Variants in BMPR1B observed in about 807,000 individuals in gnomAD.
BMPR1B encodes the protein bone morphogenetic protein receptor type-1B.
Under a neutral mutation model 59.1 loss-of-function variants are expected in BMPR1B, and 12 were observed. The observed-to-expected ratio is 0.20, with a 90% CI of 0.13 to 0.33. The LOEUF (loss-of-function observed/expected upper bound fraction) is 0.33. Ranked by LOEUF, BMPR1B falls within the 10% of genes least tolerant of loss-of-function variation. The probability of loss-of-function intolerance (pLI) is 1.00; values close to 1 mark genes in which losing one functional copy is unlikely to be tolerated. For synonymous variants in BMPR1B, 237 were observed against 207.3 expected (o/e 1.14, Z -1.23); for missense variants, 550 against 610.9 (o/e 0.90, Z 1.05).
At chr4:94,786,370 C>CTT (rs34747185) in intron 1 of BMPR1B, among the ~76,000 whole-genome samples, 1,905 of 140,256 alleles carry the variant, frequency 0.014, 46 homozygotes, top group African/African-American at 0.031. Flanking sequence ...AATTCACCAC[C>CTT]TTTTTTTTTT....
At chr4:95,058,374 C>T (rs773653282) in intron 3 of BMPR1B, among the ~76,000 whole-genome samples, 5 of 152,034 alleles carry the variant, frequency 3.3e-5, no homozygotes, top group Non-Finnish European at 7.4e-5. Context: ...TTTTTACTGC[C>T]GTACAGTGTT....
At chr4:95,041,235 G>T (rs1041992701) in intron 3 of BMPR1B, among the ~76,000 whole-genome samples, 4 of 152,028 alleles carry the variant, frequency 2.6e-5, no homozygotes, top group Non-Finnish European at 5.9e-5. Flanking sequence ...TTTTAGTAGC[G>T]ATAAGGTCTT....
intron 2 of BMPR1B, among the ~76,000 whole-genome samples, chr4:94,968,155 A>G (rs1323399651): frequency 2.0e-5 from 3 of 152,136 alleles, no homozygotes; most frequent in South Asian, 2.1e-4. Flanking sequence ...TTACTTAACA[A>G]TACTTTCCTT....
At chr4:94,759,036 T>A (rs561651538) in intron 1 of BMPR1B, among the ~76,000 whole-genome samples, 1 of 152,170 alleles carries the variant, frequency 6.6e-6, no homozygotes, top group Non-Finnish European at 1.5e-5. Context: ...GCTCCGTGTT[T>A]CCGCCTGTGT....
intron 3 of BMPR1B, among the ~76,000 whole-genome samples, chr4:95,000,558 A>C (rs1722373072): frequency 6.6e-6 from 1 of 152,100 alleles, no homozygotes; most frequent in African/African-American, 2.4e-5. Flanking sequence ...AAGTGGAGAA[A>C]GTGCCTTAGC....
Position 94,813,522 on chromosome 4 carries a change from A to G in BMPR1B, c.-183+55454A>G, listed in dbSNP as rs184732304. On this transcript the variant is annotated intron_variant, in intron 1 of 12. Coordinates refer to ENST00000515059, the MANE Select transcript of BMPR1B (RefSeq NM_001203.3). ...GGCGAGGGGAGCCTGGAAAGAGATG[A>G]GGTCTGAGAGGGAGATGGAGGGCCT... Among the ~76,000 whole-genome samples the G allele has an allele frequency of 5.3e-5, 8 of 152,212 alleles. No homozygotes were observed. The East Asian group carries it at 1.5e-3, about 29-fold the overall frequency.
At chr4:94,874,343 A>G (rs1560526767) in intron 1 of BMPR1B, among the ~76,000 whole-genome samples, 1 of 152,090 alleles carries the variant, frequency 6.6e-6, no homozygotes, top group Non-Finnish European at 1.5e-5. Context: ...TGGGTCATAT[A>G]GTAATTCTGT....
At chr4:95,039,109 T>C (rs371233999) in intron 3 of BMPR1B, among the ~76,000 whole-genome samples, 59 of 152,314 alleles carry the variant, frequency 3.9e-4, no homozygotes, top group African/African-American at 1.3e-3. Context: ...TTGACAAGAA[T>C]AGTAATAGAA....
At chr4:95,046,958 A>G (rs1050951655) in intron 3 of BMPR1B, among the ~76,000 whole-genome samples, 1 of 152,230 alleles carries the variant, frequency 6.6e-6, no homozygotes, top group Non-Finnish European at 1.5e-5. Flanking sequence ...AAGCAGGTGT[A>G]TAACCATTTG....
chr4:94,809,556 C>T (rs1039381186), intron 1 of BMPR1B, among the ~76,000 whole-genome samples: 1 of 152,208 alleles, frequency 6.6e-6, no homozygotes, highest in Non-Finnish European at 1.5e-5. Context: ...ATACTCACTA[C>T]AGCTGCTTTC....
chr4:95,020,684 C>T (rs6532527), intron 3 of BMPR1B, among the ~76,000 whole-genome samples: 102,886 of 151,798 alleles, frequency 0.68, 35,332 homozygotes, highest in Middle Eastern at 0.79. Flanking sequence ...GGTGAAACAC[C>T]AATTTATTTT....
intron 6 of BMPR1B, among the ~76,000 whole-genome samples, chr4:95,116,421 G>GCGCGCGCGCGCGCGCA: frequency 1.6e-5 from 2 of 123,248 alleles, no homozygotes; most frequent in African/African-American, 7.2e-5. Context: ...TTCAGCGCGC[G>GCGCGCGCGCGCGCGCA]CACACACACA....
At chr4:94,831,234 A>T (rs1036021317) in intron 1 of BMPR1B, among the ~76,000 whole-genome samples, 4 of 71,206 alleles carry the variant, frequency 5.6e-5, no homozygotes, top group African/African-American at 3.3e-4. Context: ...TTTAAAAAGT[A>T]AAAAAAAAAA....
At chr4:94,872,305 G>A (rs1317422390) in intron 1 of BMPR1B, among the ~76,000 whole-genome samples, 4 of 152,158 alleles carry the variant, frequency 2.6e-5, no homozygotes, top group Admixed American at 1.3e-4. Context: ...AAGCTTTCAA[G>A]TGCAAACTGG....
At chr4:95,108,442 C>T (rs1248619506) in intron 4 of BMPR1B, among the ~76,000 whole-genome samples, 1 of 152,066 alleles carries the variant, frequency 6.6e-6, no homozygotes, top group Non-Finnish European at 1.5e-5. Flanking sequence ...TTATCACTTC[C>T]ACCTCCCTGG....
chr4:95,139,431 C>T lies in BMPR1B; in HGVS notation c.1076+7919C>T, dbSNP rs1272896723. On this transcript the variant is annotated intron_variant, in intron 10 of 12. Coordinates refer to ENST00000515059, the MANE Select transcript of BMPR1B (RefSeq NM_001203.3). The stretch of plus-strand genomic sequence containing the variant: ...ACTCCATGCTGGGAGAACCACTACT[C>T]TTTTCAAAGCTGTCAGACAGGGATG... Among the ~76,000 whole-genome samples, 3 of 152,200 alleles carry T rather than the reference C, an allele frequency of 2.0e-5. No individual in the cohort carries two copies. The East Asian group carries it at 5.8e-4, about 29-fold the overall frequency.
At chr4:95,140,632 G>A (rs1734163056) in intron 10 of BMPR1B, among the ~76,000 whole-genome samples, 1 of 151,928 alleles carries the variant, frequency 6.6e-6, no homozygotes, top group African/African-American at 2.4e-5. Flanking sequence ...TGTCTGCTTG[G>A]TATTATAATT....
intron 2 of BMPR1B, among the ~76,000 whole-genome samples, chr4:94,973,951 T>C (rs192970944): frequency 3.0e-4 from 45 of 152,336 alleles, no homozygotes; most frequent in Admixed American, 2.7e-3. Context: ...GGTTACAATG[T>C]CGACATTTTA....
chr4:95,060,771 G>T (rs1378217922), intron 3 of BMPR1B, among the ~76,000 whole-genome samples: 1 of 152,152 alleles, frequency 6.6e-6, no homozygotes, highest in Non-Finnish European at 1.5e-5. Context: ...CTAATGGAAA[G>T]AGTTATGTCT....
Sources: allele counts gnomAD v4.1 joint callset (sites outside exome capture counted in the v4.1 genomes callset), GRCh38; gene constraint gnomAD v4.1.1; transcripts MANE v1.5; gene names NCBI Gene and HGNC (gene_info 2026-07-23, HGNC 2026-07-21).